PI4K2B: variants seen among roughly 807,000 people sequenced by gnomAD.
PI4K2B encodes the protein phosphatidylinositol 4-kinase type 2-beta.
PI4K2B carries 46 observed loss-of-function variants against 56.6 expected under a neutral mutation model. The ratio of observed to expected loss-of-function variants is 0.81; its 90% CI spans 0.64 to 1.04. The LOEUF is 1.04. Ranked by LOEUF, PI4K2B falls within the 50% of genes least tolerant of loss-of-function variation. PI4K2B has a pLI of 0.00. For synonymous variants in PI4K2B, 211 were observed against 223.8 expected (o/e 0.94, Z 0.51); for missense variants, 556 against 607.7 (o/e 0.91, Z 0.89).
At chr4:25,267,928 A>T in intron 7 of PI4K2B, 1 of 935,784 alleles carries the variant, frequency 1.1e-6, no homozygotes, top group South Asian at 4.9e-5. Context: ...CAGCTGTGGT[A>T]TTCAATCTGT....
rs1715142286 is a variant in PI4K2B, at chr4:25,234,355, G to GC, written c.196dup (p.Leu66ProfsTer38). The GC allele has an allele frequency of 1.4e-6, 2 of 1,411,082 alleles. No homozygotes were observed. Among genetic ancestry groups the GC allele is most frequent in the East Asian group, 3.1e-5 (1 of 32,636 alleles). 87.4% of individuals were successfully genotyped at this position (1,411,082 alleles called of 1,614,324 possible). ...AGGGCGAGGCCGGCGACGAGGAGCT[G>GC]CCCCTCCCGCCCGGGGACGTGGGGG... On this transcript the variant is annotated frameshift_variant, in exon 1 of 10. Coordinates refer to ENST00000264864, the MANE Select transcript of PI4K2B (RefSeq NM_018323.4). LOFTEE classifies it high-confidence loss of function.
chr4:25,271,749 T>G lies in PI4K2B; in HGVS notation c.1272+2546T>G, dbSNP rs561813265. On this transcript the variant is annotated intron_variant, in intron 9 of 9. Transcript: ENST00000264864. ...TATCCCTAAAGGTTTATTTTTATTTTAGGAATCTGATTTAAAATAAAGAAG... is the reference window on the plus strand; with the variant it reads ...TATCCCTAAAGGTTTATTTTTATTTGAGGAATCTGATTTAAAATAAAGAAG... 3.3e-4 allele frequency among the ~76,000 whole-genome samples: 50 copies of G among 152,370 alleles called. 1 individual carries two copies. The South Asian group carries it at 0.01, about 31-fold the overall frequency.
chr4:25,274,979 T>C (rs1717045062), intron 9 of PI4K2B, among the ~76,000 whole-genome samples: 1 of 151,926 alleles, frequency 6.6e-6, no homozygotes, highest in East Asian at 1.9e-4. Context: ...TTTTTTGTAT[T>C]TTTGTGTAGA....
At chr4:25,271,800 G>T (rs111428615) in intron 9 of PI4K2B, among the ~76,000 whole-genome samples, 4,294 of 152,200 alleles carry the variant, frequency 0.028, 93 homozygotes, top group African/African-American at 0.052. Context: ...AAATAATTTT[G>T]TCAGCTTTAA....
chr4:25,258,730 C>T (rs1284885499), intron 4 of PI4K2B, among the ~76,000 whole-genome samples: 5 of 152,052 alleles, frequency 3.3e-5, no homozygotes, highest in Non-Finnish European at 5.9e-5. Context: ...AGAAAAACGG[C>T]ATTCTTTTTC....
chr4:25,263,325 G>A (rs1254009499), intron 6 of PI4K2B, among the ~76,000 whole-genome samples: 1 of 152,000 alleles, frequency 6.6e-6, no homozygotes, highest in Non-Finnish European at 1.5e-5. Flanking sequence ...AACATTTTGT[G>A]TTTGATTTAT....
In PI4K2B at chr4:25,268,469, C is replaced by T. The variant is rs772528277; in HGVS notation, c.1105C>T (p.Gln369Ter). Reference sequence around the variant, plus strand: ...TCCATTTCACTGGGCTTGGCTTCCTCAAGCAAAAGTTCCCTTTTCTGAAGA... The same window carrying T: ...TCCATTTCACTGGGCTTGGCTTCCTTAAGCAAAAGTTCCCTTTTCTGAAGA... ...AYPFHWAWLPQAKVPFSEEIR... is the reference protein window; with the variant it reads ...AYPFHWAWLP The change falls in exon 8 of 10, where the codon CAA (glutamine) becomes TAA (stop). Residue 369 changes from glutamine to a stop codon, truncating the protein, a stop_gained. Coordinates refer to ENST00000264864, the MANE Select transcript of PI4K2B (RefSeq NM_018323.4). LOFTEE classifies it high-confidence loss of function. The T allele has an allele frequency of 6.2e-7, 1 of 1,605,240 alleles. No individual in the cohort carries two copies. The highest frequency in any genetic ancestry group is 8.5e-7 in the Non-Finnish European group (1 of 1,175,848).
Position 25,234,184 on chromosome 4 carries a change from C to T in PI4K2B, c.21C>T (p.Pro7=), listed in dbSNP as rs758016596. The T allele has an allele frequency of 1.4e-6, 2 of 1,401,430 alleles. No individual in the cohort carries two copies. The highest frequency in any genetic ancestry group is 9.3e-7 in the Non-Finnish European group (1 of 1,077,078). The allele number at this position is 1,401,430 out of a possible 1,614,324, so 86.8% of individuals were successfully genotyped here. Residue 7 remains proline, a synonymous_variant, in exon 1 of 10, where the codon CCC becomes CCT. Coordinates refer to ENST00000264864, the MANE Select transcript of PI4K2B (RefSeq NM_018323.4). The part of the protein sequence containing the change: MEDPSE[P]DRLASADGGS... Reference sequence around the variant, plus strand: ...AGTCCATGGAGGATCCCTCCGAGCCCGACCGGTTGGCGTCCGCGGACGGCG... The same window carrying T: ...AGTCCATGGAGGATCCCTCCGAGCCTGACCGGTTGGCGTCCGCGGACGGCG...
At position 25,277,274 on chromosome 4, in the gene PI4K2B, C is replaced by T. The variant is rs1054101509; in HGVS notation, c.*87C>T. ...AATATAAATCTGCTGTTAGGAGCTC[C>T]AGTTGCTAAAACCTCAATTTAAGTC... On this transcript the variant is annotated 3_prime_UTR_variant, in exon 10 of 10. Transcript: ENST00000264864. 4.3e-6 allele frequency: 6 copies of T among 1,398,348 alleles called. No homozygotes were observed. Among genetic ancestry groups the T allele is most frequent in the Middle Eastern group, 1.9e-4 (1 of 5,142 alleles). The allele number at this position is 1,398,348 out of a possible 1,614,324, so 86.6% of individuals were successfully genotyped here.
chr4:25,257,475 A>G (rs746823840), intron 4 of PI4K2B, among the ~76,000 whole-genome samples: 10 of 152,298 alleles, frequency 6.6e-5, no homozygotes, highest in Middle Eastern at 6.8e-3. Context: ...GTACATAGTA[A>G]AGGTTAAGTA....
chr4:25,254,809 C>A (rs1422689607), intron 2 of PI4K2B, among the ~76,000 whole-genome samples: 1 of 152,094 alleles, frequency 6.6e-6, no homozygotes, highest in African/African-American at 2.4e-5. Flanking sequence ...AGCCTTGCCC[C>A]CACCTTCCCA....
chr4:25,260,712 A>G (rs1343319015), intron 6 of PI4K2B, 121 bp downstream of exon 6: 5 of 256,546 alleles, frequency 1.9e-5, no homozygotes, highest in African/African-American at 9.1e-5. Flanking sequence ...TGAATATTAT[A>G]TATATATATA....
At chr4:25,254,689 G>A (rs1464333252) in intron 2 of PI4K2B, among the ~76,000 whole-genome samples, 1 of 152,154 alleles carries the variant, frequency 6.6e-6, no homozygotes, top group East Asian at 1.9e-4. Flanking sequence ...CTGGATTACA[G>A]GTGTGAGCCA....
chr4:25,263,760 G>T lies in PI4K2B; in HGVS notation c.989G>T (p.Trp330Leu). The T allele has an allele frequency of 7.3e-7, 1 of 1,367,634 alleles. No homozygotes were observed. The highest frequency in any genetic ancestry group is 1.2e-5 in the South Asian group (1 of 85,036). The allele number at this position is 1,367,634 out of a possible 1,614,324, so 84.7% of individuals were successfully genotyped here. ...TTTTCTACTCTATAGGAATCAAAAT[G>T]GATTGATGATGAAGAATTCCTTATT... ...EKEIDHKESK[W>L]IDDEEFLIKI... Residue 330 changes from tryptophan to leucine, a missense_variant, in exon 7 of 10, where the codon TGG becomes TTG. Trp to Leu is a moderately conservative substitution (Grantham distance 61). Coordinates refer to ENST00000264864, the MANE Select transcript of PI4K2B (RefSeq NM_018323.4).
At chr4:25,258,578 AAAATG>A in intron 4 of PI4K2B, 1 of 270,546 alleles carries the variant, frequency 3.7e-6, no homozygotes, top group Non-Finnish European at 5.7e-6. Flanking sequence ...CTAAAAAAAA[AAAATG>A]AAAAAAAATT....
At chr4:25,272,540 G>A (rs1166569757) in intron 9 of PI4K2B, among the ~76,000 whole-genome samples, 2 of 151,752 alleles carry the variant, frequency 1.3e-5, no homozygotes, top group Admixed American at 6.6e-5. Context: ...GGTGGCTCAT[G>A]GCTGTTGTCC....
At chr4:25,251,690 A>T (rs570520569) in intron 1 of PI4K2B, among the ~76,000 whole-genome samples, 2 of 152,248 alleles carry the variant, frequency 1.3e-5, no homozygotes, top group African/African-American at 2.4e-5. Context: ...AAAATCCGAG[A>T]TATGATTGGG....
chr4:25,234,157 G>C lies in PI4K2B; in HGVS notation c.-7G>C. 1 of 1,354,516 alleles carries C rather than the reference G, an allele frequency of 7.4e-7. No individual in the cohort carries two copies. The highest frequency in any genetic ancestry group is 9.5e-7 in the Non-Finnish European group (1 of 1,050,788). 83.9% of individuals were successfully genotyped at this position (1,354,516 alleles called of 1,614,324 possible). A position where few individuals can be genotyped will look rare whatever the true frequency, so the allele number is the denominator to read the frequency against. ...TGGTCTCAGCGCGGAGGGAGCAGAG[G>C]GAGTCCATGGAGGATCCCTCCGAGC... On this transcript the variant is annotated 5_prime_UTR_variant, in exon 1 of 10. Transcript: ENST00000264864.
At chr4:25,243,427 G>A (rs917871912) in intron 1 of PI4K2B, among the ~76,000 whole-genome samples, 7 of 152,176 alleles carry the variant, frequency 4.6e-5, no homozygotes, top group Non-Finnish European at 5.9e-5. Flanking sequence ...TCCATTTTCT[G>A]TCCTCTCTGA....
Sources: gnomAD v4.1 joint callset for allele counts (sites outside exome capture counted in the v4.1 genomes callset) on GRCh38, gnomAD v4.1.1 for gene constraint, MANE v1.5 for transcripts, NCBI Gene and HGNC (gene_info 2026-07-23, HGNC 2026-07-21) for gene names.